Variants in SEMA6C observed in about 807,000 individuals in gnomAD.
SEMA6C encodes the protein semaphorin-6C.
In SEMA6C, 37 loss-of-function variants were observed where a neutral mutation model predicts 72.9. The observed-to-expected ratio is 0.51, with a 90% CI of 0.39 to 0.67. The LOEUF (loss-of-function observed/expected upper bound fraction) is 0.67. Ranked by LOEUF, SEMA6C falls within the 30% of genes least tolerant of loss-of-function variation. The pLI is 0.00. For missense variants in SEMA6C, 1,189 were observed against 1,263.6 expected (o/e 0.94, Z 0.89); for synonymous variants, 578 against 554.1 (o/e 1.04, Z -0.61).
chr1:151,134,344 C>T, intron 18 of SEMA6C, 57 bp downstream of exon 18: 1 of 1,476,164 alleles, frequency 6.8e-7, no homozygotes, highest in Non-Finnish European at 9.3e-7. Flanking sequence ...CTACAGGACA[C>T]ACACTCAGGT....
At chr1:151,143,117 CCCCCACGGCA>C (rs1463590700) in intron 2 of SEMA6C, among the ~76,000 whole-genome samples, 1 of 152,238 alleles carries the variant, frequency 6.6e-6, no homozygotes, top group African/African-American at 2.4e-5. Context: ...CCCTCCCAGA[CCCCCACGGCA>C]CCCTGGGAGC....
chr1:151,132,114 A>T lies in SEMA6C; in HGVS notation c.*370T>A. Reference sequence around the variant, plus strand: ...CTACACAGTAGGAGAGGCACGTCCCAGACCCAGAAGGCCCGAGGACTCTGG... The same window carrying T: ...CTACACAGTAGGAGAGGCACGTCCCTGACCCAGAAGGCCCGAGGACTCTGG... On this transcript the variant is annotated 3_prime_UTR_variant, in exon 19 of 19. Transcript: ENST00000368914. 1 of 1,016,486 alleles carries T rather than the reference A, an allele frequency of 9.8e-7. No individual in the cohort carries two copies. The highest frequency in any genetic ancestry group is 1.3e-6 in the Non-Finnish European group (1 of 766,288). 63.0% of individuals were successfully genotyped at this position (1,016,486 alleles called of 1,614,324 possible).
intron 3 of SEMA6C, 101 bp from the exon 4 acceptor site, chr1:151,140,191 G>A: frequency 2.2e-6 from 2 of 913,650 alleles, no homozygotes; most frequent in South Asian, 2.9e-5. Flanking sequence ...GGATGTGTGA[G>A]GTTAGAGTGC....
chr1:151,132,856 G>C lies in SEMA6C; in HGVS notation c.2421C>G (p.Pro807=), dbSNP rs1681673070. 7.8e-7 allele frequency: 1 copy of C among 1,279,780 alleles called. No individual in the cohort carries two copies. Among genetic ancestry groups the C allele is most frequent in the African/African-American group, 1.6e-5 (1 of 62,608 alleles). 79.3% of individuals were successfully genotyped at this position (1,279,780 alleles called of 1,614,324 possible). A position where few individuals can be genotyped will look rare whatever the true frequency, so the allele number is the denominator to read the frequency against. The change falls in exon 19 of 19, where the codon CCC becomes CCG. Residue 807 remains proline, a synonymous_variant. Transcript: ENST00000368914. The part of the protein sequence containing the change: ...PEPAPALLGG[P]SPRPHECASP... ...AGGCGCACTCGTGGGGCCTGGGGCT[G>C]GGGCCGCCCAAGAGGGCGGGGGCGG...
In SEMA6C at chr1:151,145,664, G is replaced by C. The variant is rs1447822896; in HGVS notation, c.-105+769C>G. On this transcript the variant is annotated intron_variant, in intron 1 of 18. Coordinates refer to ENST00000368914, the MANE Select transcript of SEMA6C (RefSeq NM_030913.6). This position sits in a 1 kb window ranked among gnomAD's most constrained non-coding sequence, Gnocchi z 4.4. The stretch of plus-strand genomic sequence containing the variant: ...GTTAGCGAGAGGAGGGGCTGGAGGG[G>C]CCTGCAGGCGCAGACGAAGAGGGGA... 1 of 158,128 alleles carries C rather than the reference G, an allele frequency of 6.3e-6. No homozygotes were observed. Among genetic ancestry groups the C allele is most frequent in the Non-Finnish European group, 1.4e-5 (1 of 71,932 alleles). The allele number at this position is 158,128 out of a possible 1,614,324, so 9.8% of individuals were successfully genotyped here.
At position 151,134,460 on chromosome 1, in the gene SEMA6C, C is replaced by T; in HGVS notation, c.1715-15G>A. The T allele has an allele frequency of 6.2e-7, 1 of 1,606,624 alleles. No individual in the cohort carries two copies. ...AGTAGCTCCATCTATGAAGAAGGGA[C>T]AGGGTGAAGATGGGGGGAAAGAGAA... On this transcript the variant is annotated splice_polypyrimidine_tract_variant and intron_variant, in intron 17 of 18. Coordinates refer to ENST00000368914, the MANE Select transcript of SEMA6C (RefSeq NM_030913.6).
In SEMA6C at chr1:151,135,757, G is replaced by A; in HGVS notation, c.1267C>T (p.Leu423=). Residue 423 remains leucine, a synonymous_variant, in exon 14 of 19, where the codon CTG becomes TTG. Transcript: ENST00000368914. ...ATGCCATCCACAGCTACTTGGGTCA[G>A]TAGGGCCCTGGAGGAAAGGGCCTCA... ...PLLTLTSRAL[L]TQVAVDGMAG... 6.2e-7 allele frequency: 1 copy of A among 1,614,036 alleles called. No individual in the cohort carries two copies. The highest frequency in any genetic ancestry group is 8.5e-7 in the Non-Finnish European group (1 of 1,179,938).
rs1572015245 is a variant in SEMA6C, at chr1:151,132,278, C to T, written c.*206G>A. 2.6e-6 allele frequency: 4 copies of T among 1,532,080 alleles called. No individual in the cohort carries two copies. The highest frequency in any genetic ancestry group is 4.9e-5 in the East Asian group (2 of 40,690). The allele number at this position is 1,532,080 out of a possible 1,614,324, so 94.9% of individuals were successfully genotyped here. On this transcript the variant is annotated 3_prime_UTR_variant, in exon 19 of 19. Transcript: ENST00000368914. ...AATGCTGGCTCACTGAGGAGACGGG[C>T]TTCTCACCTCCCACTCTTCTGTCGA...
Position 151,133,564 on chromosome 1 carries a change from G to A in SEMA6C, c.1760-47C>T. On this transcript the variant is annotated intron_variant, in intron 18 of 18. Transcript: ENST00000368914. This position sits in a 1 kb window ranked among gnomAD's most constrained non-coding sequence, Gnocchi z 5.9. ...GGAGGCTCAGCCAAGGGGAGGCGGT[G>A]CGGGGTACCTAGGCCCAGAGGCGCC... 6.9e-7 allele frequency: 1 copy of A among 1,457,602 alleles called. No individual in the cohort carries two copies. The highest frequency in any genetic ancestry group is 1.4e-5 in the South Asian group (1 of 73,102). 90.3% of individuals were successfully genotyped at this position (1,457,602 alleles called of 1,614,324 possible).
At position 151,136,956 on chromosome 1, in the gene SEMA6C, T is replaced by TC; in HGVS notation, c.874dup (p.Asp292GlyfsTer7). On this transcript the variant is annotated frameshift_variant, in exon 11 of 19. Transcript: ENST00000368914. LOFTEE classifies it high-confidence loss of function. ...TAAAACATCAAAATAGAAAGTAGAGTCCCCAGGGACAGAGCAGTTGAGCCG... is the reference window on the plus strand; with the variant it reads ...TAAAACATCAAAATAGAAAGTAGAGTCCCCCAGGGACAGAGCAGTTGAGCCG... 5 of 1,613,118 alleles carry TC rather than the reference T, an allele frequency of 3.1e-6. No individual in the cohort carries two copies. Among genetic ancestry groups the TC allele is most frequent in the Non-Finnish European group, 4.2e-6 (5 of 1,179,788 alleles).
intron 13 of SEMA6C, 26 bp from the exon 14 acceptor site, chr1:151,135,790 G>A (rs948703367): frequency 6.2e-7 from 1 of 1,610,958 alleles, no homozygotes; most frequent in African/African-American, 1.3e-5. Context: ...TCAGGTCAGG[G>A]AACCTGTCTA....
Position 151,134,886 on chromosome 1 carries a change from C to T in SEMA6C, c.1581-11G>A, listed in dbSNP as rs370267641. 172 of 1,611,812 alleles carry T rather than the reference C, an allele frequency of 1.1e-4. 1 individual carries two copies. The African/African-American group carries it at 1.5e-3, about 14-fold the overall frequency. On this transcript the variant is annotated splice_polypyrimidine_tract_variant and intron_variant, in intron 15 of 18. Coordinates refer to ENST00000368914, the MANE Select transcript of SEMA6C (RefSeq NM_030913.6). ...GAAGCCAAACAGCTCCTAGGGAAAA[C>T]GGAGGTGTGTGAGGCTGGATCCCTT...
intron 18 of SEMA6C, 152 bp downstream of exon 18, chr1:151,134,249 A>C (rs1402094237): frequency 1.2e-6 from 1 of 815,642 alleles, no homozygotes; most frequent in Non-Finnish European, 2.0e-6. Flanking sequence ...CTGTGTGCCA[A>C]GTACTGAGCT....
intron 11 of SEMA6C, 24 bp from the exon 12 acceptor site, chr1:151,136,603 G>C: frequency 6.2e-7 from 1 of 1,613,528 alleles, no homozygotes; most frequent in African/African-American, 1.3e-5. Context: ...AAAAGATGCA[G>C]GATAGGTGCT....
chr1:151,134,134 T>A (rs1298552043), intron 18 of SEMA6C: 1 of 1,102,424 alleles, frequency 9.1e-7, no homozygotes, highest in Non-Finnish European at 1.3e-6. Flanking sequence ...CCTTCCTCCC[T>A]CCTGTGGAAC....
intron 18 of SEMA6C, chr1:151,134,127 TCCTC>T: frequency 8.7e-7 from 1 of 1,145,462 alleles, no homozygotes; most frequent in Non-Finnish European, 1.2e-6. Context: ...CAGGGGTCCT[TCCTC>T]CCTCCTGTGG....
At position 151,136,158 on chromosome 1, in the gene SEMA6C, C is replaced by G; in HGVS notation, c.1112G>C (p.Gly371Ala). Reference sequence around the variant, plus strand: ...AGCTCCCCCTACTCCTGCACAGGATCCTGGCCTGGTGGGTGAATGGGAAGG... The same window carrying G: ...AGCTCCCCCTACTCCTGCACAGGATGCTGGCCTGGTGGGTGAATGGGAAGG... Reference protein sequence around the residue: ...SEDRVPSPRPGSCAGVGGAAL... With the variant: ...SEDRVPSPRPASCAGVGGAAL... The change falls in exon 13 of 19, where the codon GGA (glycine) becomes GCA (alanine). Residue 371 changes from glycine (G) to alanine (A), a missense_variant. Around this residue, in one of 2 missense-constraint regions of SEMA6C, gnomAD observed 468 missense variants for 577.4 expected, o/e 0.81. Transcript: ENST00000368914. 1.9e-6 allele frequency: 3 copies of G among 1,613,626 alleles called. No homozygotes were observed. Among genetic ancestry groups the G allele is most frequent in the Non-Finnish European group, 2.5e-6 (3 of 1,179,918 alleles).
Position 151,132,137 on chromosome 1 carries a change from T to C in SEMA6C, c.*347A>G, listed in dbSNP as rs1446891997. The C allele has an allele frequency of 6.3e-6, 8 of 1,268,248 alleles. No homozygotes were observed. Among genetic ancestry groups the C allele is most frequent in the South Asian group, 4.1e-5 (3 of 73,144 alleles). The allele number at this position is 1,268,248 out of a possible 1,614,324, so 78.6% of individuals were successfully genotyped here. On this transcript the variant is annotated 3_prime_UTR_variant, in exon 19 of 19. Coordinates refer to ENST00000368914, the MANE Select transcript of SEMA6C (RefSeq NM_030913.6). ...CCAGACCCAGAAGGCCCGAGGACTCTGGACACAGCGCGCGCGGCCCGCCCG... is the reference window on the plus strand; with the variant it reads ...CCAGACCCAGAAGGCCCGAGGACTCCGGACACAGCGCGCGCGGCCCGCCCG...
At position 151,133,517 on chromosome 1, in the gene SEMA6C, C is replaced by G. The variant is rs770174532; in HGVS notation, c.1760G>C (p.Gly587Ala). ...GGCTGGGGGCAGGTCCCGGCGCACG[C>G]CTGCCGACCGAGAGGGAGGAGGGAG... ...SQSGPGDSAY[G>A]VRRDLPPASA... is the part of the protein sequence containing the mutation. The change falls in exon 19 of 19, where the codon GGC becomes GCC. Residue 587 changes from glycine to alanine, a missense_variant and splice_region_variant. Transcript: ENST00000368914. The surrounding 1 kb of genome is among the most constrained non-coding windows in gnomAD (Gnocchi z 5.9). 1 of 1,507,266 alleles carries G rather than the reference C, an allele frequency of 6.6e-7. No homozygotes were observed. The highest frequency in any genetic ancestry group is 1.2e-5 in the South Asian group (1 of 82,490). The allele number at this position is 1,507,266 out of a possible 1,614,324, so 93.4% of individuals were successfully genotyped here.
Sources: gnomAD v4.1 joint callset for allele counts (sites outside exome capture counted in the v4.1 genomes callset) on GRCh38, gnomAD v4.1.1 for gene constraint, gnomAD v4.1.1 regional missense constraint, Gnocchi (gnomAD v3.1) non-coding constraint, MANE v1.5 for transcripts, NCBI Gene and HGNC (gene_info 2026-07-23, HGNC 2026-07-21) for gene names.